AOAH: variants seen among roughly 807,000 people sequenced by gnomAD.
AOAH encodes the protein acyloxyacyl hydrolase (neutrophil).
A neutral mutation model predicts 92.2 loss-of-function variants in AOAH; 64 were observed. That is an observed-to-expected ratio of 0.69 (90% CI 0.57 to 0.86). The LOEUF is 0.86. Ranked by LOEUF, AOAH falls within the 40% of genes least tolerant of loss-of-function variation. The pLI, the probability that AOAH is intolerant of heterozygous loss-of-function variation, is 0.00. For missense variants in AOAH, 656 were observed against 694.6 expected, an observed-to-expected ratio of 0.94 and a Z score of 0.62; for synonymous variants, 263 against 254.5, an observed-to-expected ratio of 1.03 and a Z score of -0.32.
rs201754374 is a variant in AOAH at position 36,565,299 on chromosome 7, C to G, written c.1021+11275G>C. Among the ~76,000 whole-genome samples the G allele has an allele frequency of 0.014, 22 of 1,566 alleles. No individual in the cohort carries two copies. In the East Asian group the frequency reaches 0.24, roughly 17 times the overall value. 1.0% of individuals were successfully genotyped at this position (1,566 alleles called of 152,430 possible). ...TATACATAATTTTTGTCATTATCCT[C>G]TCAAGGTTTGGGTTGAAACCAAATA... On this transcript the variant is annotated intron_variant, in intron 13 of 20. Transcript: ENST00000617537.
At chr7:36,519,254 G>A (rs138402004) in intron 20 of AOAH, among the ~76,000 whole-genome samples, 50 of 152,214 alleles carry the variant, frequency 3.3e-4, no homozygotes, top group African/African-American at 1.2e-3. Flanking sequence ...TCAACTCCAC[G>A]GTCATACTCT....
intron 19 of AOAH, 31 bp from the exon 20 acceptor site, chr7:36,522,146 C>T: frequency 2.5e-6 from 4 of 1,603,440 alleles, no homozygotes; most frequent in Non-Finnish European, 3.4e-6. Context: ...GGGTTACAGA[C>T]ACACTTGCAC....
intron 19 of AOAH, among the ~76,000 whole-genome samples, chr7:36,528,874 A>C (rs987747750): frequency 1.3e-5 from 2 of 152,196 alleles, no homozygotes; most frequent in African/African-American, 2.4e-5. Flanking sequence ...ACCATTTACA[A>C]AATTTTAATG....
At chr7:36,622,736 C>T (rs1792371045) in intron 7 of AOAH, among the ~76,000 whole-genome samples, 1 of 152,180 alleles carries the variant, frequency 6.6e-6, no homozygotes, top group Non-Finnish European at 1.5e-5. Flanking sequence ...CATCACAATG[C>T]TACAAAATCC....
intron 13 of AOAH, among the ~76,000 whole-genome samples, chr7:36,558,059 C>T (rs1786914819): frequency 6.6e-6 from 1 of 152,226 alleles, no homozygotes; most frequent in African/African-American, 2.4e-5. Flanking sequence ...AGGAGAGGCG[C>T]TCTGCTTTTT....
chr7:36,573,811 T>A (rs1368170718), intron 13 of AOAH, among the ~76,000 whole-genome samples: 1 of 152,220 alleles, frequency 6.6e-6, no homozygotes, highest in East Asian at 1.9e-4. Context: ...AGGATCAGGA[T>A]GAAAATAGGA....
At chr7:36,655,844 G>C (rs1251391305) in intron 4 of AOAH, among the ~76,000 whole-genome samples, 1 of 152,172 alleles carries the variant, frequency 6.6e-6, no homozygotes, top group Non-Finnish European at 1.5e-5. Flanking sequence ...TCAGAGGATA[G>C]TGGTAGAGAC....
At chr7:36,562,667 T>G (rs1012909572) in intron 13 of AOAH, among the ~76,000 whole-genome samples, 9 of 152,150 alleles carry the variant, frequency 5.9e-5, no homozygotes, top group African/African-American at 2.2e-4. Context: ...AAATGCATAT[T>G]CAGAAACACC....
chr7:36,531,477 G>T (rs1366695871), intron 18 of AOAH, among the ~76,000 whole-genome samples: 1 of 152,104 alleles, frequency 6.6e-6, no homozygotes, highest in African/African-American at 2.4e-5. Flanking sequence ...CTCCTGAGCA[G>T]CTGGGACTAC....
At chr7:36,569,522 T>TG (rs1294114854) in intron 13 of AOAH, among the ~76,000 whole-genome samples, 159 of 150,468 alleles carry the variant, frequency 1.1e-3, no homozygotes, top group African/African-American at 3.8e-3. Flanking sequence ...TCTGTCTATC[T>TG]TTCTACCAGA....
At chr7:36,598,761 T>A (rs1436968295) in intron 11 of AOAH, among the ~76,000 whole-genome samples, 2 of 152,230 alleles carry the variant, frequency 1.3e-5, no homozygotes, top group Admixed American at 6.5e-5. Context: ...ATAGCAAATG[T>A]TTTATAGACC....
chr7:36,670,599 C>T (rs747311148), intron 3 of AOAH, among the ~76,000 whole-genome samples: 1 of 152,118 alleles, frequency 6.6e-6, no homozygotes, highest in Non-Finnish European at 1.5e-5. Context: ...CTCAAGCTCC[C>T]GAGTAGCTGG....
chr7:36,596,947 C>T (rs545462081), intron 11 of AOAH, among the ~76,000 whole-genome samples: 27 of 152,294 alleles, frequency 1.8e-4, no homozygotes, highest in African/African-American at 6.5e-4. Flanking sequence ...TGTGTTCAAA[C>T]GCAGCAGCAG....
chr7:36,535,000 G>GTGTGTATCT (rs1284606235), intron 16 of AOAH, among the ~76,000 whole-genome samples: 1 of 121,336 alleles, frequency 8.2e-6, no homozygotes, highest in Non-Finnish European at 1.8e-5. Flanking sequence ...GTGTCTGCTT[G>GTGTGTATCT]TGTGTATCTG....
chr7:36,607,810 G>A (rs1791118694), intron 11 of AOAH, among the ~76,000 whole-genome samples: 1 of 152,200 alleles, frequency 6.6e-6, no homozygotes, highest in East Asian at 1.9e-4. Flanking sequence ...GGTGGAGGGA[G>A]AAGAGGTACA....
intron 5 of AOAH, among the ~76,000 whole-genome samples, chr7:36,637,427 C>T (rs569751335): frequency 3.9e-4 from 59 of 152,256 alleles, no homozygotes; most frequent in African/African-American, 1.3e-3. Flanking sequence ...TCCTCCAAGA[C>T]GGTCTACTGG....
At chr7:36,524,331 C>A (rs971127314) in intron 19 of AOAH, among the ~76,000 whole-genome samples, 1 of 151,990 alleles carries the variant, frequency 6.6e-6, no homozygotes, top group South Asian at 2.1e-4. Flanking sequence ...GATGGAGCCC[C>A]CATCATGGAA....
intron 4 of AOAH, among the ~76,000 whole-genome samples, chr7:36,642,410 G>A (rs986701335): frequency 3.3e-4 from 50 of 152,230 alleles, no homozygotes; most frequent in African/African-American, 9.9e-4. Flanking sequence ...AACCACCAGA[G>A]CTAAGAGAAA....
At chr7:36,579,074 G>A (rs1307917913) in intron 12 of AOAH, among the ~76,000 whole-genome samples, 1 of 152,044 alleles carries the variant, frequency 6.6e-6, no homozygotes, top group Non-Finnish European at 1.5e-5. Flanking sequence ...CCTATCCTGA[G>A]GACAGTACCA....
Sources: allele counts gnomAD v4.1 joint callset (sites outside exome capture counted in the v4.1 genomes callset), GRCh38; gene constraint gnomAD v4.1.1; transcripts MANE v1.5; gene names NCBI Gene and HGNC (gene_info 2026-07-23, HGNC 2026-07-21).